The following LIMCH1 variants were observed in gnomAD, a reference collection of about 807,000 sequenced individuals.
The protein encoded by LIMCH1 is LIM and calponin homology domains 1.
LIMCH1 carries 113 observed loss-of-function variants against 176.5 expected under a neutral mutation model. The ratio of observed to expected loss-of-function variants is 0.64; its 90% CI spans 0.55 to 0.75. The LOEUF (loss-of-function observed/expected upper bound fraction) is 0.75, where lower values mean the gene tolerates loss of function less well. Ranked by LOEUF, LIMCH1 falls within the 30% of genes least tolerant of loss-of-function variation. The pLI, the probability that LIMCH1 is intolerant of heterozygous loss-of-function variation, is 0.00. For missense variants in LIMCH1, 1,674 were observed against 1,814.9 expected, an observed-to-expected ratio of 0.92 and a Z score of 1.41; for synonymous variants, 619 against 645.9, an observed-to-expected ratio of 0.96 and a Z score of 0.63.
chr4:41,376,056 A>G (rs2054720555), intron 1 of LIMCH1, among the ~76,000 whole-genome samples: 1 of 152,170 alleles, frequency 6.6e-6, no homozygotes, highest in African/African-American at 2.4e-5. Flanking sequence ...TGAGTTTCTT[A>G]TTTATCCTAT....
chr4:41,609,694 T>G (rs1481946496), intron 4 of LIMCH1: 1 of 455,308 alleles, frequency 2.2e-6, no homozygotes, highest in South Asian at 1.6e-5. Context: ...AAGCTAGTAG[T>G]TCTCACCCCT....
chr4:41,418,315 A>C (rs2060116978), intron 1 of LIMCH1, among the ~76,000 whole-genome samples: 1 of 152,220 alleles, frequency 6.6e-6, no homozygotes, highest in Admixed American at 6.5e-5. Flanking sequence ...GGAAGTTGTA[A>C]ATTTTAATTA....
rs761270260 is a variant in LIMCH1 at position 41,661,562 on chromosome 4, A to G, written c.3127+52A>G. ...AGGCAAATCATGGTAACTGTTTAAG[A>G]TGTAATGGAAATAGTCAAGAATTTT... On this transcript the variant is annotated intron_variant, in intron 19 of 31. Coordinates refer to ENST00000503057, the MANE Select transcript of LIMCH1 (RefSeq NM_001330672.2). 15 of 1,251,990 alleles carry G rather than the reference A, an allele frequency of 1.2e-5. No homozygotes were observed. The South Asian group carries it at 1.4e-4, about 12-fold the overall frequency. 77.6% of individuals were successfully genotyped at this position (1,251,990 alleles called of 1,614,324 possible). A position where few individuals can be genotyped will look rare whatever the true frequency, so the allele number is the denominator to read the frequency against.
intron 1 of LIMCH1, among the ~76,000 whole-genome samples, chr4:41,406,493 G>A (rs2058976274): frequency 6.6e-6 from 1 of 152,134 alleles, no homozygotes; most frequent in Non-Finnish European, 1.5e-5. Flanking sequence ...AAAGGTAACT[G>A]CACTGCAAGC....
At chr4:41,541,317 C>A (rs550838882) in intron 1 of LIMCH1, among the ~76,000 whole-genome samples, 1 of 150,298 alleles carries the variant, frequency 6.7e-6, no homozygotes, top group African/African-American at 2.4e-5. Context: ...GGCTGGATTC[C>A]TTTGGCATCC....
intron 2 of LIMCH1, among the ~76,000 whole-genome samples, chr4:41,516,272 TC>T (rs1258753106): frequency 6.6e-6 from 1 of 152,126 alleles, no homozygotes; most frequent in African/African-American, 2.4e-5. Flanking sequence ...GAGGGAAGGA[TC>T]CCGGCCAGAG....
intron 4 of LIMCH1, among the ~76,000 whole-genome samples, chr4:41,611,982 C>A (rs1356210086): frequency 6.6e-6 from 1 of 152,110 alleles, no homozygotes; most frequent in Non-Finnish European, 1.5e-5. Flanking sequence ...CCTTAATTTC[C>A]ATAACTGGAA....
At position 41,687,878 on chromosome 4, in the gene LIMCH1, C is replaced by G; in HGVS notation, c.4127C>G (p.Ser1376Cys). 3 of 1,613,584 alleles carry G rather than the reference C, an allele frequency of 1.9e-6. No homozygotes were observed. The highest frequency in any genetic ancestry group is 2.5e-6 in the Non-Finnish European group (3 of 1,179,674). ...PREHFQAGPF[S>C]PCSPTPPGQS... is the part of the protein sequence containing the mutation. ...GAGCACTTCCAGGCTGGGCCTTTCT[C>G]TCCCTGTTCTCCCACCCCTCCCGGT... Residue 1376 changes from serine (S) to cysteine (C), a missense_variant, in exon 29 of 32, where the codon TCT (serine) becomes TGT (cysteine). Coordinates refer to ENST00000503057, the MANE Select transcript of LIMCH1 (RefSeq NM_001330672.2).
intron 1 of LIMCH1, among the ~76,000 whole-genome samples, chr4:41,431,167 A>T (rs2061577482): frequency 6.6e-6 from 1 of 152,190 alleles, no homozygotes; most frequent in South Asian, 2.1e-4. Flanking sequence ...TAGAGTCTAG[A>T]CATGAAATGA....
intron 2 of LIMCH1, among the ~76,000 whole-genome samples, chr4:41,499,658 A>T (rs1224707670): frequency 6.6e-6 from 1 of 152,178 alleles, no homozygotes; most frequent in Non-Finnish European, 1.5e-5. Context: ...TCTCTACTAA[A>T]AATACAAAAA....
intron 25 of LIMCH1, 139 bp from the exon 26 acceptor site, chr4:41,682,194 A>C: frequency 1.8e-6 from 1 of 546,038 alleles, no homozygotes; most frequent in Non-Finnish European, 3.2e-6. Flanking sequence ...ATCAGTTGCT[A>C]TTCAGTTAAT....
intron 13 of LIMCH1, among the ~76,000 whole-genome samples, chr4:41,635,788 T>C (rs1052975257): frequency 2.0e-5 from 3 of 152,220 alleles, no homozygotes; most frequent in Non-Finnish European, 2.9e-5. Flanking sequence ...GTTCATGATA[T>C]AGAAATAGAT....
intron 4 of LIMCH1, 98 bp from the exon 5 acceptor site, chr4:41,613,368 G>T: frequency 1.0e-6 from 1 of 989,936 alleles, no homozygotes; most frequent in Non-Finnish European, 1.5e-6. Context: ...ATTCTGATGT[G>T]ATATGCAGGG....
At chr4:41,377,248 C>T (rs1004962337) in intron 1 of LIMCH1, among the ~76,000 whole-genome samples, 1 of 152,182 alleles carries the variant, frequency 6.6e-6, no homozygotes, top group Non-Finnish European at 1.5e-5. Context: ...TGTCTCCTTT[C>T]TTCTTGGACC....
At chr4:41,613,117 C>T (rs1329779162) in intron 4 of LIMCH1, 20 of 1,549,816 alleles carry the variant, frequency 1.3e-5, no homozygotes, top group Admixed American at 5.9e-5. Flanking sequence ...TTTGGTTTTT[C>T]GTTTTTGTTT....
At chr4:41,513,163 C>G (rs1384629441) in intron 2 of LIMCH1, among the ~76,000 whole-genome samples, 2 of 152,102 alleles carry the variant, frequency 1.3e-5, no homozygotes, top group Admixed American at 1.3e-4. Context: ...AAGGCACATT[C>G]ATTAAGATCA....
In LIMCH1 at chr4:41,692,586, C is replaced by A; in HGVS notation, c.4378+202C>A. On this transcript the variant is annotated intron_variant, in intron 31 of 31. Transcript: ENST00000503057. Reference sequence around the variant, plus strand: ...GTTATTGCTACAATGTGGACCAATTCTTTTTATCCTGAAGTGCATCAGCAC... The same window carrying A: ...GTTATTGCTACAATGTGGACCAATTATTTTTATCCTGAAGTGCATCAGCAC... 1.4e-5 allele frequency: 7 copies of A among 495,126 alleles called. No homozygotes were observed. In the South Asian group the frequency reaches 1.4e-4, roughly 10 times the overall value. The allele number at this position is 495,126 out of a possible 1,614,324, so 30.7% of individuals were successfully genotyped here. A position where few individuals can be genotyped will look rare whatever the true frequency, so the allele number is the denominator to read the frequency against.
intron 1 of LIMCH1, among the ~76,000 whole-genome samples, chr4:41,452,689 CTCCT>C: frequency 6.6e-6 from 1 of 152,198 alleles, no homozygotes; most frequent in South Asian, 2.1e-4. Context: ...AATCCAACAC[CTCCT>C]TCCTTCTTCT....
At chr4:41,600,935 T>G (rs545695054) in intron 2 of LIMCH1, among the ~76,000 whole-genome samples, 25 of 152,338 alleles carry the variant, frequency 1.6e-4, no homozygotes, top group African/African-American at 5.8e-4. Context: ...TTCCGTCTTT[T>G]TTTCTGTCTC....
Sources: gnomAD v4.1 joint callset for allele counts (sites outside exome capture counted in the v4.1 genomes callset) on GRCh38, gnomAD v4.1.1 for gene constraint, MANE v1.5 for transcripts, NCBI Gene and HGNC (gene_info 2026-07-23, HGNC 2026-07-21) for gene names.